HCN1: variants seen among roughly 807,000 people sequenced by gnomAD.
HCN1 encodes the protein hyperpolarization activated cyclic nucleotide gated potassium channel 1.
Under a neutral mutation model 78.9 loss-of-function variants are expected in HCN1, and 13 were observed. The ratio of observed to expected loss-of-function variants is 0.16; its 90% confidence interval spans 0.11 to 0.26. The LOEUF is 0.26. HCN1 is among the 10% of genes least tolerant of loss of function. HCN1 has a pLI of 1.00. For synonymous variants in HCN1, 552 were observed against 455.5 expected (o/e 1.21, Z -2.70); for missense variants, 810 against 1,154.3 (o/e 0.70, Z 4.32).
intron 4 of HCN1, among the ~76,000 whole-genome samples, chr5:45,368,897 A>C: frequency 6.6e-6 from 1 of 152,188 alleles, no homozygotes; most frequent in South Asian, 2.1e-4. Flanking sequence ...AAATTAAGTG[A>C]ACATTTTCGT....
At position 45,638,534 on chromosome 5, in the gene HCN1, A is replaced by C. The variant is rs1054151550; in HGVS notation, c.849+6651T>G. Among the ~76,000 whole-genome samples, 5 of 152,208 alleles carry C rather than the reference A, an allele frequency of 3.3e-5. 1 individual carries two copies. In the South Asian group the frequency reaches 1.0e-3, roughly 31 times the overall value. On this transcript the variant is annotated intron_variant, in intron 2 of 7. Coordinates refer to ENST00000303230, the MANE Select transcript of HCN1 (RefSeq NM_021072.4). ...ACAGATCTGCCACGGGGCGCTGACC[A>C]AAGAGCATTCATAAAATTAAGCCTT...
At chr5:45,283,442 C>A (rs1319445912) in intron 6 of HCN1, among the ~76,000 whole-genome samples, 1 of 151,952 alleles carries the variant, frequency 6.6e-6, no homozygotes, top group African/African-American at 2.4e-5. Context: ...AACAAATTTA[C>A]AAGAGAAAAA....
At chr5:45,623,876 A>G (rs949688994) in intron 2 of HCN1, among the ~76,000 whole-genome samples, 2 of 152,168 alleles carry the variant, frequency 1.3e-5, no homozygotes, top group African/African-American at 4.8e-5. Flanking sequence ...TGCTTTATAT[A>G]AAGTAGTCAA....
intron 6 of HCN1, among the ~76,000 whole-genome samples, chr5:45,299,603 T>C (rs1393885782): frequency 6.6e-6 from 1 of 151,898 alleles, no homozygotes; most frequent in African/African-American, 2.4e-5. Flanking sequence ...CTCAGTATTA[T>C]GAACAATTGA....
At position 45,386,543 on chromosome 5, in the gene HCN1, T is replaced by C. The variant is rs77735942; in HGVS notation, c.1230+9949A>G. Among the ~76,000 whole-genome samples the C allele has an allele frequency of 1.3e-3, 196 of 152,270 alleles. 2 individuals carry two copies. In the East Asian group the frequency reaches 0.016, roughly 12 times the overall value. ...CTTTTAGCAGCTCTGCATCTACTTA[T>C]ACTGTGTTGCTTTTCTACAAAGTTC... On this transcript the variant is annotated intron_variant, in intron 4 of 7. Coordinates refer to ENST00000303230, the MANE Select transcript of HCN1 (RefSeq NM_021072.4).
At chr5:45,491,519 G>C (rs1450579329) in intron 2 of HCN1, among the ~76,000 whole-genome samples, 1 of 152,114 alleles carries the variant, frequency 6.6e-6, no homozygotes, top group African/African-American at 2.4e-5. Flanking sequence ...TCATAGACTT[G>C]CTAGTTACTT....
chr5:45,528,084 A>T (rs1053242290), intron 2 of HCN1, among the ~76,000 whole-genome samples: 19 of 152,010 alleles, frequency 1.2e-4, no homozygotes, highest in African/African-American at 4.6e-4. Context: ...TTGTAAGTAA[A>T]TTTAGGGTAA....
chr5:45,449,166 G>T (rs928101929), intron 3 of HCN1, among the ~76,000 whole-genome samples: 1 of 152,110 alleles, frequency 6.6e-6, no homozygotes, highest in Non-Finnish European at 1.5e-5. Context: ...AAAATTCTGT[G>T]AAGTAATTAT....
chr5:45,466,045 C>T (rs981509326), intron 2 of HCN1, among the ~76,000 whole-genome samples: 2 of 152,128 alleles, frequency 1.3e-5, no homozygotes, highest in Admixed American at 1.3e-4. Context: ...ATCCCAAATT[C>T]TACCTTAATA....
At chr5:45,425,455 A>G (rs1740325719) in intron 3 of HCN1, among the ~76,000 whole-genome samples, 1 of 152,246 alleles carries the variant, frequency 6.6e-6, no homozygotes, top group Admixed American at 6.5e-5. Flanking sequence ...AAGATGTCAA[A>G]TAATACTTTC....
At chr5:45,282,069 T>G (rs191295082) in intron 6 of HCN1, among the ~76,000 whole-genome samples, 2 of 152,336 alleles carry the variant, frequency 1.3e-5, no homozygotes, top group East Asian at 3.9e-4. Flanking sequence ...TGCCCAATAC[T>G]GTCACATAGG....
chr5:45,431,471 C>A (rs1284661596), intron 3 of HCN1, among the ~76,000 whole-genome samples: 3 of 152,090 alleles, frequency 2.0e-5, no homozygotes, highest in Admixed American at 6.6e-5. Flanking sequence ...GCTTTTGTTG[C>A]AATTGCTTTT....
chr5:45,374,210 T>C, intron 4 of HCN1, among the ~76,000 whole-genome samples: 1 of 117,400 alleles, frequency 8.5e-6, no homozygotes, highest in East Asian at 2.1e-4. Flanking sequence ...ACATAACATA[T>C]ATATTATGTA....
chr5:45,372,156 TG>T (rs1310726307), intron 4 of HCN1, among the ~76,000 whole-genome samples: 40 of 56,038 alleles, frequency 7.1e-4, no homozygotes, highest in African/African-American at 1.6e-3. Flanking sequence ...TTATATAATA[TG>T]TTATTATATA....
intron 2 of HCN1, among the ~76,000 whole-genome samples, chr5:45,555,888 C>A (rs975222986): frequency 6.6e-6 from 1 of 151,864 alleles, no homozygotes; most frequent in East Asian, 1.9e-4. Flanking sequence ...GAATAAAGAA[C>A]CCCAAAATAA....
intron 5 of HCN1, among the ~76,000 whole-genome samples, chr5:45,331,274 C>T (rs1746339021): frequency 6.6e-6 from 1 of 151,208 alleles, no homozygotes; most frequent in Admixed American, 6.6e-5. Flanking sequence ...TTATTTCACA[C>T]TGGGTTCTTA....
At chr5:45,468,883 A>G (rs960935990) in intron 2 of HCN1, among the ~76,000 whole-genome samples, 6 of 152,062 alleles carry the variant, frequency 3.9e-5, no homozygotes, top group Non-Finnish European at 8.8e-5. Flanking sequence ...CCTCCTATAG[A>G]AGTTATTCAA....
chr5:45,341,819 G>A (rs1375904633), intron 5 of HCN1, among the ~76,000 whole-genome samples: 1 of 152,158 alleles, frequency 6.6e-6, no homozygotes, highest in African/African-American at 2.4e-5. Flanking sequence ...CTTTAGCAGA[G>A]AAACACCCAG....
At chr5:45,536,307 C>A (rs1421413373) in intron 2 of HCN1, among the ~76,000 whole-genome samples, 1 of 152,104 alleles carries the variant, frequency 6.6e-6, no homozygotes, top group African/African-American at 2.4e-5. Flanking sequence ...TCATCTTATT[C>A]TAGAATTCCA....
Sources: gnomAD v4.1 joint callset for allele counts (sites outside exome capture counted in the v4.1 genomes callset) on GRCh38, gnomAD v4.1.1 for gene constraint, MANE v1.5 for transcripts, NCBI Gene and HGNC (gene_info 2026-07-23, HGNC 2026-07-21) for gene names.